The following NEUROG1 variants were observed in gnomAD, a reference collection of about 807,000 sequenced individuals.
NEUROG1 encodes the protein neurogenin 1, also known as neurogenin-1.
Under a neutral mutation model 5.7 loss-of-function variants are expected in NEUROG1, and 5 were observed. That is an observed-to-expected ratio of 0.88 (90% CI 0.46 to 1.85). The LOEUF (loss-of-function observed/expected upper bound fraction) is 1.85, where lower values mean the gene tolerates loss of function less well. Ranked by LOEUF, NEUROG1 falls within the 40% of genes most tolerant of loss-of-function variation. NEUROG1 has a pLI of 0.01. For missense variants in NEUROG1, 403 were observed against 345.7 expected (o/e 1.17, Z -1.32); for synonymous variants, 196 against 157.4 (o/e 1.25, Z -1.84).
rs1580681545 is a variant in NEUROG1 at position 135,534,706 on chromosome 5, C to T, written c.*271G>A. On this transcript the variant is annotated 3_prime_UTR_variant, in exon 1 of 1. Coordinates refer to ENST00000314744, the MANE Select transcript of NEUROG1 (RefSeq NM_006161.3). The stretch of plus-strand genomic sequence containing the variant: ...GCTGGGGTCAGTTCTGAGCCAGTCA[C>T]AAAGGAGGTTTTGTGGAGTTCAGAA... 1.3e-5 allele frequency: 6 copies of T among 464,502 alleles called. No homozygotes were observed. In the East Asian group the frequency reaches 1.9e-4, roughly 15 times the overall value. The allele number at this position is 464,502 out of a possible 1,614,324, so 28.8% of individuals were successfully genotyped here.
rs760683136 is a variant in NEUROG1 at position 135,535,349 on chromosome 5, T to C, written c.342A>G (p.Ala114=). ...RMHNLNAALD[A]LRSVLPSFPD... Reference sequence around the variant, plus strand: ...GGAACGAGGGCAGCACGCTGCGCAGTGCGTCCAGGGCCGCGTTCAAGTTGT... The same window carrying C: ...GGAACGAGGGCAGCACGCTGCGCAGCGCGTCCAGGGCCGCGTTCAAGTTGT... The change falls in exon 1 of 1, where the codon GCA becomes GCG. Residue 114 remains alanine, a synonymous_variant. Coordinates refer to ENST00000314744, the MANE Select transcript of NEUROG1 (RefSeq NM_006161.3). 8.5e-5 allele frequency: 137 copies of C among 1,613,242 alleles called. No individual in the cohort carries two copies. The highest frequency in any genetic ancestry group is 7.0e-5 in the Non-Finnish European group (82 of 1,179,628).
rs776096171 is a variant in NEUROG1, at chr5:135,534,929, T to C, written c.*48A>G. 2.5e-6 allele frequency: 4 copies of C among 1,575,312 alleles called. No individual in the cohort carries two copies. The East Asian group carries it at 6.9e-5, about 27-fold the overall frequency. The stretch of plus-strand genomic sequence containing the variant: ...GAGGCGGCAGCTGGGGCCCCATCTA[T>C]TGCCTGCTGACTAGGGGAGGGGGAA... On this transcript the variant is annotated 3_prime_UTR_variant, in exon 1 of 1. Coordinates refer to ENST00000314744, the MANE Select transcript of NEUROG1 (RefSeq NM_006161.3).
chr5:135,534,963 T>A lies in NEUROG1; in HGVS notation c.*14A>T, dbSNP rs1750501470. On this transcript the variant is annotated 3_prime_UTR_variant, in exon 1 of 1. Transcript: ENST00000314744. The stretch of plus-strand genomic sequence containing the variant: ...GACTAGGGGAGGGGGAAAGTAACAG[T>A]GTCTACAAAGGGCCTAGTGGTAAGG... The A allele has an allele frequency of 1.9e-6, 3 of 1,608,584 alleles. No individual in the cohort carries two copies. Among genetic ancestry groups the A allele is most frequent in the Non-Finnish European group, 2.5e-6 (3 of 1,177,990 alleles).
Position 135,535,610 on chromosome 5 carries a change from G to C in NEUROG1, c.81C>G (p.Thr27=), listed in dbSNP as rs1165208354. ...GGAGTCTGGCACAGTCTTCCTCGTC[G>C]GTGAGGAAGCCGGATAGGTCACTGC... ...SSGSDLSGFL[T]DEEDCARLQQ... Residue 27 remains threonine, a synonymous_variant, in exon 1 of 1, where the codon ACC becomes ACG. Coordinates refer to ENST00000314744, the MANE Select transcript of NEUROG1 (RefSeq NM_006161.3). 13 of 1,596,092 alleles carry C rather than the reference G, an allele frequency of 8.1e-6. No homozygotes were observed. The highest frequency in any genetic ancestry group is 1.1e-5 in the South Asian group (1 of 89,182).
rs779329188 is a variant in NEUROG1, at chr5:135,535,488, T to A, written c.203A>T (p.Glu68Val). Reference sequence around the variant, plus strand: ...GCCGCGGCGCCGCCGCCTCTCCTGCTCGTCGTCCTGTGCCCCTGGAACCTC... The same window carrying A: ...GCCGCGGCGCCGCCGCCTCTCCTGCACGTCGTCCTGTGCCCCTGGAACCTC... ...ASEVPGAQDD[E>V]QERRRRRGRT... The change falls in exon 1 of 1, where the codon GAG (glutamate) becomes GTG (valine). Residue 68 changes from glutamate (E) to valine (V), a missense_variant. Glu to Val is a moderately radical substitution (Grantham distance 121, BLOSUM62 -2). Coordinates refer to ENST00000314744, the MANE Select transcript of NEUROG1 (RefSeq NM_006161.3). 2.0e-5 allele frequency: 32 copies of A among 1,572,572 alleles called. No homozygotes were observed. The highest frequency in any genetic ancestry group is 6.9e-6 in the Non-Finnish European group (8 of 1,164,942).
Position 135,535,315 on chromosome 5 carries a change from TGTC to T in NEUROG1, c.373_375del (p.Asp125del). On this transcript the variant is annotated inframe_deletion, in exon 1 of 1. Transcript: ENST00000314744. ...AGCGTCTCGATTTTGGTGAGCTTGGTGTCGTCGGGGAACGAGGGCAGCACGCTG... is the reference window on the plus strand; with the variant it reads ...AGCGTCTCGATTTTGGTGAGCTTGGTGTCGGGGAACGAGGGCAGCACGCTG... 2.5e-6 allele frequency: 4 copies of T among 1,613,602 alleles called. No individual in the cohort carries two copies. The highest frequency in any genetic ancestry group is 3.4e-6 in the Non-Finnish European group (4 of 1,179,684).
At position 135,535,624 on chromosome 5, in the gene NEUROG1, A is replaced by C. The variant is rs759036151; in HGVS notation, c.67T>G (p.Ser23Ala). The C allele has an allele frequency of 6.3e-7, 1 of 1,595,096 alleles. No homozygotes were observed. Among genetic ancestry groups the C allele is most frequent in the Admixed American group, 1.7e-5 (1 of 57,524 alleles). ...DCASSSGSDLSGFLTDEEDCA... is the reference protein window; with the variant it reads ...DCASSSGSDLAGFLTDEEDCA... Reference sequence around the variant, plus strand: ...TCTTCCTCGTCGGTGAGGAAGCCGGATAGGTCACTGCCGCTGCTGCTGGCG... The same window carrying C: ...TCTTCCTCGTCGGTGAGGAAGCCGGCTAGGTCACTGCCGCTGCTGCTGGCG... Residue 23 changes from serine (S) to alanine (A), a missense_variant, in exon 1 of 1, where the codon TCC (serine) becomes GCC (alanine). Transcript: ENST00000314744.
In NEUROG1 at chr5:135,535,179, G is replaced by C. The variant is rs1750509077; in HGVS notation, c.512C>G (p.Pro171Arg). The C allele has an allele frequency of 2.5e-6, 4 of 1,610,516 alleles. No homozygotes were observed. The highest frequency in any genetic ancestry group is 2.5e-6 in the Non-Finnish European group (3 of 1,178,530). The change falls in exon 1 of 1, where the codon CCC (proline) becomes CGC (arginine). Residue 171 changes from proline to arginine, a missense_variant. Physicochemically the swap from Pro to Arg is moderately radical, Grantham distance 103. Transcript: ENST00000314744. ...RERLLPPQCV[P>R]CLPGPPSPAS... The stretch of plus-strand genomic sequence containing the variant: ...GGGGCTTGGGGGACCGGGCAGGCAG[G>C]GGACGCACTGCGGCGGCAGGAGGCG...
In NEUROG1 at chr5:135,535,888, A is replaced by T. The variant is rs539214961; in HGVS notation, c.-198T>A. The stretch of plus-strand genomic sequence containing the variant: ...GGCCTGGCCTCCTCGCCTCGCCTGC[A>T]GGGGCCACGCGCCCGGCCGGTCTCC... On this transcript the variant is annotated 5_prime_UTR_variant, in exon 1 of 1. Coordinates refer to ENST00000314744, the MANE Select transcript of NEUROG1 (RefSeq NM_006161.3). 1 of 493,426 alleles carries T rather than the reference A, an allele frequency of 2.0e-6. No individual in the cohort carries two copies. Among genetic ancestry groups the T allele is most frequent in the Non-Finnish European group, 3.5e-6 (1 of 282,548 alleles). 30.6% of individuals were successfully genotyped at this position (493,426 alleles called of 1,614,324 possible).
Position 135,534,867 on chromosome 5 carries a change from G to A in NEUROG1, c.*110C>T, listed in dbSNP as rs1433469702. The A allele has an allele frequency of 4.3e-6, 5 of 1,156,296 alleles. No homozygotes were observed. Among genetic ancestry groups the A allele is most frequent in the Non-Finnish European group, 4.8e-6 (4 of 824,836 alleles). 71.6% of individuals were successfully genotyped at this position (1,156,296 alleles called of 1,614,324 possible). Reference sequence around the variant, plus strand: ...CTCAGGTATCCCCGACTGCTTTAAAGCTCCCGCTTCCTCCCTCCGCCTGGA... The same window carrying A: ...CTCAGGTATCCCCGACTGCTTTAAAACTCCCGCTTCCTCCCTCCGCCTGGA... On this transcript the variant is annotated 3_prime_UTR_variant, in exon 1 of 1. Coordinates refer to ENST00000314744, the MANE Select transcript of NEUROG1 (RefSeq NM_006161.3).
In NEUROG1 at chr5:135,535,229, C is replaced by T; in HGVS notation, c.462G>A (p.Gly154=). ...GCTCCCGGGCACCGCCTCCGGGCAG[C>T]CCTTGATCCGCCAGGCGCAGTGTCT... ...LAETLRLADQ[G]LPGGGARERL... is the part of the protein sequence containing the mutation. Residue 154 remains glycine (G), a synonymous_variant, in exon 1 of 1, where the codon GGG becomes GGA. Transcript: ENST00000314744. 3 of 1,612,868 alleles carry T rather than the reference C, an allele frequency of 1.9e-6. No individual in the cohort carries two copies. Among genetic ancestry groups the T allele is most frequent in the Non-Finnish European group, 2.5e-6 (3 of 1,179,540 alleles).
At position 135,535,242 on chromosome 5, in the gene NEUROG1, A is replaced by G; in HGVS notation, c.449T>C (p.Leu150Pro). The G allele has an allele frequency of 6.2e-7, 1 of 1,613,194 alleles. No homozygotes were observed. Among genetic ancestry groups the G allele is most frequent in the Non-Finnish European group, 8.5e-7 (1 of 1,179,628 alleles). The change falls in exon 1 of 1, where the codon CTG (leucine) becomes CCG (proline). Residue 150 changes from leucine (L) to proline (P), a missense_variant. Physicochemically the swap from Leu to Pro is moderately conservative, Grantham distance 98. Coordinates refer to ENST00000314744, the MANE Select transcript of NEUROG1 (RefSeq NM_006161.3). ...GCCTCCGGGCAGCCCTTGATCCGCC[A>G]GGCGCAGTGTCTCGGCCAGAGCCCA... The part of the protein sequence containing the change: ...YIWALAETLR[L>P]ADQGLPGGGA...
Position 135,534,911 on chromosome 5 carries a change from C to A in NEUROG1, c.*66G>T, listed in dbSNP as rs1750499162. ...GCCTGGAGAGGGGGTCCCGAGGCGG[C>A]AGCTGGGGCCCCATCTATTGCCTGC... On this transcript the variant is annotated 3_prime_UTR_variant, in exon 1 of 1. Transcript: ENST00000314744. The A allele has an allele frequency of 6.6e-7, 1 of 1,504,214 alleles. No homozygotes were observed. Among genetic ancestry groups the A allele is most frequent in the South Asian group, 1.3e-5 (1 of 78,226 alleles). 93.2% of individuals were successfully genotyped at this position (1,504,214 alleles called of 1,614,324 possible).
Position 135,534,843 on chromosome 5 carries a change from T to C in NEUROG1, c.*134A>G. ...AGGGTGCGGCGACCTAACAAGCGGC[T>C]CAGGTATCCCCGACTGCTTTAAAGC... On this transcript the variant is annotated 3_prime_UTR_variant, in exon 1 of 1. Transcript: ENST00000314744. 1.2e-6 allele frequency: 1 copy of C among 860,344 alleles called. No individual in the cohort carries two copies. The highest frequency in any genetic ancestry group is 1.8e-6 in the Non-Finnish European group (1 of 569,252). The allele number at this position is 860,344 out of a possible 1,614,324, so 53.3% of individuals were successfully genotyped here.
rs560447645 is a variant in NEUROG1 at position 135,535,735 on chromosome 5, A to T, written c.-45T>A. 4.6e-5 allele frequency: 68 copies of T among 1,472,732 alleles called. No homozygotes were observed. In the South Asian group the frequency reaches 8.6e-4, roughly 19 times the overall value. 91.2% of individuals were successfully genotyped at this position (1,472,732 alleles called of 1,614,324 possible). On this transcript the variant is annotated 5_prime_UTR_variant, in exon 1 of 1. Transcript: ENST00000314744. The stretch of plus-strand genomic sequence containing the variant: ...GACGGACAGATAGAAAGGCGCTCAG[A>T]GCGCTGCAGCCCGGACTGAGGGCAG...
rs750615997 is a variant in NEUROG1, at chr5:135,535,055, G to A, written c.636C>T (p.Pro212=). The change falls in exon 1 of 1, where the codon CCC becomes CCT. Residue 212 remains proline, a synonymous_variant. Transcript: ENST00000314744. ...PAASEDFTYR[P]GDPVFSFPSL... ...TTGGGAAGGAGAAAACAGGGTCGCC[G>A]GGGCGGTAGGTGAAGTCTTCGGAGG... The A allele has an allele frequency of 1.6e-5, 26 of 1,613,932 alleles. No individual in the cohort carries two copies. The highest frequency in any genetic ancestry group is 1.6e-4 in the Middle Eastern group (1 of 6,074).
Position 135,535,385 on chromosome 5 carries a change from G to C in NEUROG1, c.306C>G (p.Arg102=). The change falls in exon 1 of 1, where the codon CGC becomes CGG. Residue 102 remains arginine, a synonymous_variant. Transcript: ENST00000314744. ...SRRVKANDRE[R]NRMHNLNAAL... is the part of the protein sequence containing the mutation. ...CCGCGTTCAAGTTGTGCATGCGGTT[G>C]CGCTCGCGATCGTTGGCCTTGACGC... 2.5e-6 allele frequency: 4 copies of C among 1,611,452 alleles called. No individual in the cohort carries two copies. The Admixed American group carries it at 5.0e-5, about 20-fold the overall frequency.
In NEUROG1 at chr5:135,535,626, A is replaced by G. The variant is rs1750525036; in HGVS notation, c.65T>C (p.Leu22Pro). The G allele has an allele frequency of 6.3e-7, 1 of 1,590,270 alleles. No individual in the cohort carries two copies. The highest frequency in any genetic ancestry group is 8.5e-7 in the Non-Finnish European group (1 of 1,174,160). Reference sequence around the variant, plus strand: ...TTCCTCGTCGGTGAGGAAGCCGGATAGGTCACTGCCGCTGCTGCTGGCGCA... The same window carrying G: ...TTCCTCGTCGGTGAGGAAGCCGGATGGGTCACTGCCGCTGCTGCTGGCGCA... Reference protein sequence around the residue: ...LDCASSSGSDLSGFLTDEEDC... With the variant: ...LDCASSSGSDPSGFLTDEEDC... Residue 22 changes from leucine (L) to proline (P), a missense_variant, in exon 1 of 1, where the codon CTA becomes CCA. Transcript: ENST00000314744.
rs762110802 is a variant in NEUROG1, at chr5:135,535,417, T to A, written c.274A>T (p.Ser92Cys). 1.9e-6 allele frequency: 3 copies of A among 1,599,902 alleles called. No homozygotes were observed. In the South Asian group the frequency reaches 3.4e-5, roughly 18 times the overall value. Residue 92 changes from serine to cysteine, a missense_variant, in exon 1 of 1, where the codon AGC becomes TGC. Physicochemically the swap from Ser to Cys is moderately radical, Grantham distance 112. Coordinates refer to ENST00000314744, the MANE Select transcript of NEUROG1 (RefSeq NM_006161.3). Reference protein sequence around the residue: ...SEALLHSLRRSRRVKANDRER... With the variant: ...SEALLHSLRRCRRVKANDRER... The stretch of plus-strand genomic sequence containing the variant: ...CGATCGTTGGCCTTGACGCGCCGGC[T>A]CCTGCGCAGCGAGTGCAGCAGCGCC...
Sources: gnomAD v4.1 joint callset for allele counts on GRCh38, gnomAD v4.1.1 for gene constraint, MANE v1.5 for transcripts, NCBI Gene and HGNC (gene_info 2026-07-23, HGNC 2026-07-21) for gene names.